AFF1: variants seen among roughly 807,000 people sequenced by gnomAD.
The protein encoded by AFF1 is ALF transcription elongation factor 1.
Under a neutral mutation model 121.7 loss-of-function variants are expected in AFF1, and 48 were observed. That is an observed-to-expected ratio of 0.39 (90% CI 0.31 to 0.50). The LOEUF (loss-of-function observed/expected upper bound fraction) is 0.50. Ranked by LOEUF, AFF1 falls within the 20% of genes least tolerant of loss-of-function variation. The probability of loss-of-function intolerance (pLI) is 0.76; values close to 1 mark genes in which losing one functional copy is unlikely to be tolerated. For synonymous variants in AFF1, 613 were observed against 563.0 expected, an observed-to-expected ratio of 1.09 and a Z score of -1.26; for missense variants, 1,523 against 1,511.7, an observed-to-expected ratio of 1.01 and a Z score of -0.12.
chr4:86,983,486 G>A (rs937846520), intron 2 of AFF1, among the ~76,000 whole-genome samples: 16 of 151,990 alleles, frequency 1.1e-4, no homozygotes, highest in Non-Finnish European at 1.9e-4. Context: ...CCGAGATCAC[G>A]CCATTGCACT....
At chr4:86,949,540 T>TTATTA (rs1560495575) in intron 2 of AFF1, 154 of 125,530 alleles carry the variant, frequency 1.2e-3, no homozygotes, top group Non-Finnish European at 1.8e-3. Flanking sequence ...TATTATTATT[T>TTATTA]TTTTTTTTTT....
intron 12 of AFF1, 71 bp from the exon 13 acceptor site, chr4:87,124,966 A>T: frequency 7.5e-7 from 1 of 1,332,118 alleles, no homozygotes; most frequent in Non-Finnish European, 1.0e-6. Flanking sequence ...TGCCTTTTCT[A>T]TATTTTCTTT....
intron 4 of AFF1, among the ~76,000 whole-genome samples, chr4:87,064,584 T>G (rs562207392): frequency 1.3e-5 from 2 of 152,092 alleles, no homozygotes; most frequent in South Asian, 2.1e-4. Context: ...TACAAAACAT[T>G]TTAAAAATTA....
At chr4:86,971,440 A>G (rs183723789) in intron 2 of AFF1, among the ~76,000 whole-genome samples, 2 of 152,338 alleles carry the variant, frequency 1.3e-5, no homozygotes, top group East Asian at 3.9e-4. Context: ...TTCTTCCATA[A>G]CAAGGTGGGA....
chr4:87,139,998 G>A lies in AFF1; in HGVS notation c.*4297G>A, dbSNP rs1729595952. On this transcript the variant is annotated 3_prime_UTR_variant, in exon 21 of 21. Transcript: ENST00000395146. ...AAATGACATTATATTCTGTTCCACT[G>A]AACGTCAGAGATCAGCAGGCACTGT... The A allele has an allele frequency of 4.8e-6, 1 of 207,470 alleles. No homozygotes were observed. The highest frequency in any genetic ancestry group is 9.8e-6 in the Non-Finnish European group (1 of 101,740). The allele number at this position is 207,470 out of a possible 1,614,324, so 12.9% of individuals were successfully genotyped here.
At chr4:86,998,126 A>AAAAAAC (rs1725381921) in intron 2 of AFF1, among the ~76,000 whole-genome samples, 2 of 132,776 alleles carry the variant, frequency 1.5e-5, no homozygotes, top group African/African-American at 5.6e-5. Flanking sequence ...AAAAAAAAAA[A>AAAAAAC]ACAAGAAAAC....
intron 2 of AFF1, among the ~76,000 whole-genome samples, chr4:86,969,074 C>T (rs2149476970): frequency 6.6e-6 from 1 of 152,338 alleles, no homozygotes. Flanking sequence ...GGAGCGCCTC[C>T]TTGTTCCTTC....
intron 1 of AFF1, among the ~76,000 whole-genome samples, chr4:86,945,319 CTTTTTTTTTTTTTT>C (rs72025655): frequency 4.2e-4 from 47 of 111,670 alleles, no homozygotes; most frequent in African/African-American, 1.9e-3. Flanking sequence ...TTTTCTTTTC[CTTTTTTTTTTTTTT>C]TTTTTTTTTG....
At position 87,106,298 on chromosome 4, in the gene AFF1, G is replaced by A. The variant is rs150026005; in HGVS notation, c.1376+453G>A. Among the ~76,000 whole-genome samples the A allele has an allele frequency of 4.3e-3, 652 of 152,306 alleles. 1 individual carries two copies. Among genetic ancestry groups the A allele is most frequent in the Admixed American group, 7.6e-3 (117 of 15,306 alleles). On this transcript the variant is annotated intron_variant, in intron 10 of 20. Coordinates refer to ENST00000395146, the MANE Select transcript of AFF1 (RefSeq NM_001166693.3). ...CTCGGCAGGCTGAGCCAGGAGAATC[G>A]CTTGAACCCAGGAGATGGAGGCTGC... is the stretch of plus-strand genomic sequence containing the variant.
intron 2 of AFF1, among the ~76,000 whole-genome samples, chr4:87,022,668 G>GTA (rs1560547771): frequency 1.4e-5 from 2 of 144,208 alleles, no homozygotes; most frequent in African/African-American, 2.6e-5. Flanking sequence ...ATATGTGTGT[G>GTA]TATATATATG....
chr4:87,006,570 A>G (rs1189262169), intron 2 of AFF1, among the ~76,000 whole-genome samples: 3 of 152,244 alleles, frequency 2.0e-5, no homozygotes, highest in Non-Finnish European at 1.5e-5. Context: ...AACACCAAGT[A>G]TGCCCGTTTC....
chr4:87,134,365 T>C, intron 19 of AFF1, 106 bp from the exon 20 acceptor site: 1 of 1,055,298 alleles, frequency 9.5e-7, no homozygotes, highest in South Asian at 1.6e-5. Flanking sequence ...GGCAGGTGTA[T>C]AGTGAAACTT....
chr4:87,103,924 T>A (rs1725666158), intron 8 of AFF1, among the ~76,000 whole-genome samples: 1 of 152,322 alleles, frequency 6.6e-6, no homozygotes, highest in South Asian at 2.1e-4. Flanking sequence ...GAATACACTT[T>A]GCCAGATTTT....
intron 5 of AFF1, among the ~76,000 whole-genome samples, chr4:87,088,064 C>A (rs1328915016): frequency 6.6e-6 from 1 of 152,200 alleles, no homozygotes; most frequent in Non-Finnish European, 1.5e-5. Flanking sequence ...AGTACTCTTA[C>A]AATACTTTGA....
intron 2 of AFF1, among the ~76,000 whole-genome samples, chr4:86,998,972 G>C (rs1043662389): frequency 6.6e-6 from 1 of 152,202 alleles, no homozygotes; most frequent in African/African-American, 2.4e-5. Context: ...TAAATTAGGG[G>C]CCAGGAGGAA....
Position 87,139,283 on chromosome 4 carries a change from G to A in AFF1, c.*3582G>A. 1 of 232,990 alleles carries A rather than the reference G, an allele frequency of 4.3e-6. No homozygotes were observed. The highest frequency in any genetic ancestry group is 8.5e-6 in the Non-Finnish European group (1 of 117,878). The allele number at this position is 232,990 out of a possible 1,614,324, so 14.4% of individuals were successfully genotyped here. On this transcript the variant is annotated 3_prime_UTR_variant, in exon 21 of 21. Coordinates refer to ENST00000395146, the MANE Select transcript of AFF1 (RefSeq NM_001166693.3). ...TACTCCTCTGCTTTATGAAGTTTGA[G>A]TTGTATTTGTGCATCTTAAAGTAGG...
chr4:87,024,793 C>G (rs1003140105), intron 2 of AFF1, among the ~76,000 whole-genome samples: 3 of 152,078 alleles, frequency 2.0e-5, no homozygotes, highest in African/African-American at 7.2e-5. Flanking sequence ...GGAGTTTCAC[C>G]ATGTTGGCCA....
chr4:86,982,388 CTTTTTTTTTTTTT>C (rs70953632), intron 2 of AFF1, among the ~76,000 whole-genome samples: 17 of 58,600 alleles, frequency 2.9e-4, no homozygotes, highest in East Asian at 7.4e-4. Flanking sequence ...AAAAAATTGG[CTTTTTTTTTTTTT>C]TTTTTTTTTT....
intron 2 of AFF1, among the ~76,000 whole-genome samples, chr4:86,964,054 G>A (rs555417388): frequency 6.9e-6 from 1 of 145,272 alleles, no homozygotes; most frequent in East Asian, 2.1e-4. Context: ...CTGGCCTCAA[G>A]CAGTCCTCCT....
Sources: allele counts gnomAD v4.1 joint callset (sites outside exome capture counted in the v4.1 genomes callset), GRCh38; gene constraint gnomAD v4.1.1; transcripts MANE v1.5; gene names NCBI Gene and HGNC (gene_info 2026-07-23, HGNC 2026-07-21).